GRAMD1C: variants seen among roughly 807,000 people sequenced by gnomAD.
GRAMD1C encodes protein Aster-C.
GRAMD1C carries 89 observed loss-of-function variants against 97.8 expected under a neutral mutation model. The observed-to-expected ratio is 0.91, with a 90% confidence interval of 0.77 to 1.09. GRAMD1C has a LOEUF of 1.09. GRAMD1C is among the 50% of genes least tolerant of loss of function. The probability of loss-of-function intolerance (pLI) is 0.00; values close to 1 mark genes in which losing one functional copy is unlikely to be tolerated. For missense variants in GRAMD1C, 740 were observed against 766.4 expected (o/e 0.97, Z 0.41); for synonymous variants, 256 against 267.0 (o/e 0.96, Z 0.40).
intron 6 of GRAMD1C, chr3:113,885,264 G>A: frequency 7.7e-7 from 1 of 1,293,114 alleles, no homozygotes; most frequent in Non-Finnish European, 1.1e-6. Flanking sequence ...GGGCCGTGGG[G>A]GCCTCCGGGG....
intron 6 of GRAMD1C, among the ~76,000 whole-genome samples, chr3:113,889,555 A>G (rs1275107021): frequency 6.6e-6 from 1 of 152,164 alleles, no homozygotes; most frequent in Admixed American, 6.5e-5. Flanking sequence ...ATGAATTTTC[A>G]GGTATGTGAA....
chr3:113,931,303 G>A (rs950079880), intron 11 of GRAMD1C, among the ~76,000 whole-genome samples: 1 of 151,970 alleles, frequency 6.6e-6, no homozygotes, highest in Non-Finnish European at 1.5e-5. Context: ...TGTTGCTGAA[G>A]CTAGTTGATG....
chr3:113,880,864 G>A (rs1935232065), intron 5 of GRAMD1C, among the ~76,000 whole-genome samples: 1 of 152,158 alleles, frequency 6.6e-6, no homozygotes, highest in Non-Finnish European at 1.5e-5. Flanking sequence ...GATAGAACAA[G>A]AATGTGAACC....
intron 5 of GRAMD1C, among the ~76,000 whole-genome samples, chr3:113,881,985 A>G (rs568630121): frequency 2.6e-3 from 399 of 152,332 alleles, no homozygotes; most frequent in Non-Finnish European, 4.2e-3. Context: ...AACTTAATCC[A>G]GCATAGAACT....
At chr3:113,925,922 T>C (rs1353889753) in intron 10 of GRAMD1C, among the ~76,000 whole-genome samples, 1 of 152,246 alleles carries the variant, frequency 6.6e-6, no homozygotes, top group Non-Finnish European at 1.5e-5. Context: ...GAGTTTCTGC[T>C]GTTAGCCTGA....
chr3:113,853,052 C>T (rs549524029), intron 2 of GRAMD1C, among the ~76,000 whole-genome samples: 20 of 151,864 alleles, frequency 1.3e-4, no homozygotes, highest in South Asian at 8.3e-4. Context: ...AACTATTATA[C>T]CAAATAAAGA....
intron 3 of GRAMD1C, among the ~76,000 whole-genome samples, chr3:113,873,112 T>TAAAAAAAA (rs1934895784): frequency 3.6e-5 from 1 of 27,452 alleles, no homozygotes; most frequent in African/African-American, 1.2e-4. Context: ...AAAAAAAAAT[T>TAAAAAAAA]AGCCGGGTGT....
At chr3:113,851,522 CT>C (rs35669503) in intron 2 of GRAMD1C, among the ~76,000 whole-genome samples, 38,122 of 133,330 alleles carry the variant, frequency 0.29, 4,953 homozygotes, top group Non-Finnish European at 0.36. Flanking sequence ...TTCTTTCTTT[CT>C]TTTTTTTTTT....
intron 8 of GRAMD1C, among the ~76,000 whole-genome samples, chr3:113,904,865 C>T (rs148149402): frequency 5.9e-5 from 9 of 152,244 alleles, no homozygotes; most frequent in South Asian, 2.1e-4. Flanking sequence ...AGATGAGTCT[C>T]GCCCTGTTGC....
chr3:113,940,248 C>A lies in GRAMD1C; in HGVS notation c.1811C>A (p.Ser604Tyr), dbSNP rs138486935. ...LQEEKSLNLASDMVSRAETIQ... is the reference protein window; with the variant it reads ...LQEEKSLNLAYDMVSRAETIQ... Reference sequence around the variant, plus strand: ...TGGCATTTTTCTTTCAGTTTAGCCTCTGATATGGTGTCAAGAGCAGAAACT... The same window carrying A: ...TGGCATTTTTCTTTCAGTTTAGCCTATGATATGGTGTCAAGAGCAGAAACT... The change falls in exon 17 of 18, where the codon TCT becomes TAT. Residue 604 changes from serine (S) to tyrosine (Y), a missense_variant. Ser to Tyr is a moderately radical substitution (Grantham distance 144). Coordinates refer to ENST00000358160, the MANE Select transcript of GRAMD1C (RefSeq NM_017577.5). The A allele has an allele frequency of 1.1e-5, 17 of 1,586,322 alleles. No individual in the cohort carries two copies. The African/African-American group carries it at 1.9e-4, about 18-fold the overall frequency.
intron 6 of GRAMD1C, chr3:113,885,559 T>G (rs981772757): frequency 3.2e-6 from 5 of 1,575,792 alleles, no homozygotes; most frequent in Admixed American, 3.3e-5. Flanking sequence ...GTCCGGCCTG[T>G]TAGGCCTCCT....
chr3:113,863,667 TG>T (rs1180160102), intron 2 of GRAMD1C, among the ~76,000 whole-genome samples: 1 of 152,236 alleles, frequency 6.6e-6, no homozygotes, highest in Non-Finnish European at 1.5e-5. Context: ...CATGTTGGTA[TG>T]GAACTCGGGC....
rs1473389105 is a variant in GRAMD1C at position 113,934,512 on chromosome 3, T to G, written c.1433T>G (p.Leu478Trp). The G allele has an allele frequency of 6.4e-7, 1 of 1,557,334 alleles. No homozygotes were observed. ...ATTGAAAAGAATTCCTGGAGTTCTT[T>G]GGAGGACTATTTCAAACAGCTTGGT... ...SLIEKNSWSS[L>W]EDYFKQLESD... The change falls in exon 13 of 18, where the codon TTG (leucine) becomes TGG (tryptophan). Residue 478 changes from leucine (L) to tryptophan (W), a missense_variant. Leu to Trp is a moderately conservative substitution (Grantham distance 61). Coordinates refer to ENST00000358160, the MANE Select transcript of GRAMD1C (RefSeq NM_017577.5).
chr3:113,884,013 G>C (rs1431284991), intron 6 of GRAMD1C, among the ~76,000 whole-genome samples: 1 of 151,936 alleles, frequency 6.6e-6, no homozygotes, highest in Non-Finnish European at 1.5e-5. Flanking sequence ...AAAAAATGTT[G>C]GAAAATTCAA....
chr3:113,919,373 G>A, intron 10 of GRAMD1C: 1 of 501,502 alleles, frequency 2.0e-6, no homozygotes, highest in South Asian at 1.5e-5. Context: ...TTCAGGGAAG[G>A]TAAATGTAGC....
At chr3:113,909,196 G>C (rs1936475530) in intron 9 of GRAMD1C, 76 bp downstream of exon 9, 5 of 663,882 alleles carry the variant, frequency 7.5e-6, no homozygotes, top group Non-Finnish European at 7.1e-6. Flanking sequence ...GGGGTGTGCA[G>C]ATTGAGAATT....
At chr3:113,853,015 T>G (rs564350908) in intron 2 of GRAMD1C, among the ~76,000 whole-genome samples, 1 of 152,296 alleles carries the variant, frequency 6.6e-6, no homozygotes, top group South Asian at 2.1e-4. Context: ...AATAGTGTAT[T>G]TGATGCTCCA....
chr3:113,936,232 C>A, intron 13 of GRAMD1C, 34 bp from the exon 14 acceptor site: 1 of 1,267,278 alleles, frequency 7.9e-7, no homozygotes, highest in Non-Finnish European at 1.1e-6. Context: ...AGGAGCTTTC[C>A]TCACTATATA....
intron 2 of GRAMD1C, among the ~76,000 whole-genome samples, chr3:113,864,682 G>A (rs1934515840): frequency 6.6e-6 from 1 of 152,138 alleles, no homozygotes; most frequent in African/African-American, 2.4e-5. Flanking sequence ...TCTTCAGAAT[G>A]GCCTTTACTG....
Sources: gnomAD v4.1 joint callset for allele counts (sites outside exome capture counted in the v4.1 genomes callset) on GRCh38, gnomAD v4.1.1 for gene constraint, MANE v1.5 for transcripts, NCBI Gene and HGNC (gene_info 2026-07-23, HGNC 2026-07-21) for gene names.